GLRB: variants seen among roughly 807,000 people sequenced by gnomAD.
GLRB encodes glycine receptor beta, also known as glycine receptor subunit beta.
GLRB carries 33 observed loss-of-function variants against 54.2 expected under a neutral mutation model. The ratio of observed to expected loss-of-function variants is 0.61; its 90% CI spans 0.46 to 0.81. The LOEUF (loss-of-function observed/expected upper bound fraction) is 0.81, where lower values mean the gene tolerates loss of function less well. Among genes scored for constraint, GLRB ranks in the 40% least tolerant of loss-of-function variants. The pLI is 0.00. For missense variants in GLRB, 572 were observed against 584.6 expected (o/e 0.98, Z 0.22); for synonymous variants, 209 against 208.2 (o/e 1.00, Z -0.03).
At chr4:157,110,571 G>T (rs1735380711) in intron 2 of GLRB, among the ~76,000 whole-genome samples, 1 of 151,950 alleles carries the variant, frequency 6.6e-6, no homozygotes, top group African/African-American at 2.4e-5. Context: ...TATTTATAAA[G>T]ATATGACTGT....
intron 2 of GLRB, among the ~76,000 whole-genome samples, chr4:157,083,452 C>G (rs1734297910): frequency 6.6e-6 from 1 of 152,034 alleles, no homozygotes; most frequent in African/African-American, 2.4e-5. Context: ...TAGTGAAGTT[C>G]ATGATAAGTG....
intron 2 of GLRB, among the ~76,000 whole-genome samples, chr4:157,083,169 C>G (rs1199604722): frequency 6.6e-6 from 1 of 151,728 alleles, no homozygotes; most frequent in Non-Finnish European, 1.5e-5. Flanking sequence ...CTGCTCTGTG[C>G]TAGTGCAGAA....
intron 4 of GLRB, among the ~76,000 whole-genome samples, chr4:157,132,477 A>T (rs1736252620): frequency 6.6e-6 from 1 of 151,826 alleles, no homozygotes; most frequent in South Asian, 2.1e-4. Flanking sequence ...CTTTTCCCAC[A>T]TGTCACCCAC....
At chr4:157,108,783 G>A (rs552301394) in intron 2 of GLRB, among the ~76,000 whole-genome samples, 1 of 151,986 alleles carries the variant, frequency 6.6e-6, no homozygotes, top group Non-Finnish European at 1.5e-5. Flanking sequence ...GTAGATAAAA[G>A]GCTATCAAAC....
intron 9 of GLRB, among the ~76,000 whole-genome samples, chr4:157,154,435 T>C (rs1297716168): frequency 4.8e-5 from 7 of 144,760 alleles, no homozygotes; most frequent in Admixed American, 4.1e-4. Flanking sequence ...TTTTTTTTTT[T>C]TTTTTTTTTG....
At chr4:157,168,016 C>A (rs114168702) in intron 9 of GLRB, among the ~76,000 whole-genome samples, 1 of 152,098 alleles carries the variant, frequency 6.6e-6, no homozygotes, top group Non-Finnish European at 1.5e-5. Flanking sequence ...GCCCCGTGAC[C>A]CAAACACCTC....
At chr4:157,129,582 A>G (rs1231307281) in intron 4 of GLRB, among the ~76,000 whole-genome samples, 1 of 151,826 alleles carries the variant, frequency 6.6e-6, no homozygotes, top group Non-Finnish European at 1.5e-5. Context: ...CTCATAACTA[A>G]TAGAAAAGAA....
chr4:157,151,232 T>A (rs1309001401), intron 8 of GLRB, among the ~76,000 whole-genome samples: 2 of 152,116 alleles, frequency 1.3e-5, no homozygotes, highest in Non-Finnish European at 2.9e-5. Context: ...TTGTTTTTGA[T>A]TGGTAATTTG....
At chr4:157,138,702 G>A (rs1402535818) in intron 6 of GLRB, 107 bp from the exon 7 acceptor site, 3 of 650,846 alleles carry the variant, frequency 4.6e-6, no homozygotes, top group Non-Finnish European at 8.1e-6. Flanking sequence ...CATATAAGAA[G>A]GTCTTATTTT....
chr4:157,144,485 T>C (rs1344155484), intron 8 of GLRB, among the ~76,000 whole-genome samples: 1 of 152,228 alleles, frequency 6.6e-6, no homozygotes, highest in Non-Finnish European at 1.5e-5. Flanking sequence ...TAATGCTTTG[T>C]GACATAGAAA....
chr4:157,096,874 C>A (rs1368492854), intron 2 of GLRB, among the ~76,000 whole-genome samples: 1 of 152,180 alleles, frequency 6.6e-6, no homozygotes, highest in African/African-American at 2.4e-5. Flanking sequence ...CTGACAATAG[C>A]AAAAACTTTG....
In GLRB at chr4:157,143,827, G is replaced by A. The variant is rs754842115; in HGVS notation, c.772G>A (p.Val258Ile). ...KGTGYYTCVEVIFTLRRQVGF... is the reference protein window; with the variant it reads ...KGTGYYTCVEIIFTLRRQVGF... ...GAAAGGCTACTACACATGCGTGGAA[G>A]TCATCTTCACCCTGAGGAGGCAGGT... Residue 258 changes from valine (V) to isoleucine (I), a missense_variant, in exon 8 of 10, where the codon GTC becomes ATC. Transcript: ENST00000264428. The A allele has an allele frequency of 2.5e-6, 4 of 1,613,508 alleles. No individual in the cohort carries two copies. The African/African-American group carries it at 4.0e-5, about 16-fold the overall frequency.
chr4:157,108,605 G>A (rs1445055548), intron 2 of GLRB, among the ~76,000 whole-genome samples: 1 of 152,084 alleles, frequency 6.6e-6, no homozygotes, highest in South Asian at 2.1e-4. Flanking sequence ...TGATTCCTAT[G>A]GATGAGCAAA....
At chr4:157,111,617 T>G (rs764302683) in intron 2 of GLRB, among the ~76,000 whole-genome samples, 6 of 152,070 alleles carry the variant, frequency 3.9e-5, no homozygotes, top group Non-Finnish European at 7.4e-5. Flanking sequence ...TCAACTAGTT[T>G]TAGAATTTCT....
At chr4:157,137,292 C>T (rs906266680) in intron 6 of GLRB, among the ~76,000 whole-genome samples, 2 of 151,984 alleles carry the variant, frequency 1.3e-5, no homozygotes, top group African/African-American at 4.8e-5. Flanking sequence ...AGCATTCATT[C>T]TCTATGAAAG....
At chr4:157,116,406 A>G (rs995608084) in intron 2 of GLRB, among the ~76,000 whole-genome samples, 5 of 151,814 alleles carry the variant, frequency 3.3e-5, no homozygotes, top group Non-Finnish European at 7.4e-5. Flanking sequence ...ATAAAACAAA[A>G]TAGCATAGTC....
chr4:157,160,164 G>A (rs187717902), intron 9 of GLRB, among the ~76,000 whole-genome samples: 20 of 152,192 alleles, frequency 1.3e-4, no homozygotes, highest in African/African-American at 4.3e-4. Context: ...GTATTTCTGC[G>A]GGATCGGTGG....
intron 2 of GLRB, among the ~76,000 whole-genome samples, chr4:157,105,165 A>G (rs1426287816): frequency 6.6e-6 from 1 of 151,628 alleles, no homozygotes; most frequent in Non-Finnish European, 1.5e-5. Context: ...TTCTTGTCTA[A>G]CATAGACATT....
At chr4:157,092,782 G>A (rs1734665806) in intron 2 of GLRB, among the ~76,000 whole-genome samples, 1 of 152,170 alleles carries the variant, frequency 6.6e-6, no homozygotes, top group Non-Finnish European at 1.5e-5. Flanking sequence ...TGTTTGTATA[G>A]CTTTCTTAAG....
Sources: gnomAD v4.1 joint callset for allele counts (sites outside exome capture counted in the v4.1 genomes callset) on GRCh38, gnomAD v4.1.1 for gene constraint, MANE v1.5 for transcripts, NCBI Gene and HGNC (gene_info 2026-07-23, HGNC 2026-07-21) for gene names.